Variants in CSMD1 observed in about 807,000 individuals in gnomAD.
The protein encoded by CSMD1 is CUB and sushi domain-containing protein 1.
A neutral mutation model predicts 417.5 loss-of-function variants in CSMD1; 213 were observed. That is an observed-to-expected ratio of 0.51 (90% CI 0.46 to 0.57). The LOEUF (loss-of-function observed/expected upper bound fraction) is 0.57. Ranked by LOEUF, CSMD1 falls within the 20% of genes least tolerant of loss-of-function variation. The probability of loss-of-function intolerance (pLI) is 0.00; values close to 1 mark genes in which losing one functional copy is unlikely to be tolerated. For synonymous variants in CSMD1, 2,862 were observed against 1,736.8 expected, an observed-to-expected ratio of 1.65 and a Z score of -16.11; for missense variants, 6,923 against 4,529.7, an observed-to-expected ratio of 1.53 and a Z score of -15.17.
At chr8:3,649,406 T>G (rs1304821941) in intron 7 of CSMD1, among the ~76,000 whole-genome samples, 1 of 152,220 alleles carries the variant, frequency 6.6e-6, no homozygotes, top group Non-Finnish European at 1.5e-5. Flanking sequence ...GTTTTCACAC[T>G]GCTATAAATA....
chr8:4,246,805 T>C (rs1456608340), intron 3 of CSMD1, among the ~76,000 whole-genome samples: 3 of 152,188 alleles, frequency 2.0e-5, no homozygotes, highest in Non-Finnish European at 2.9e-5. Flanking sequence ...AAATGTAGTA[T>C]AGGACATTTG....
Position 3,065,603 on chromosome 8 carries a change from T to C in CSMD1, c.7475-12956A>G, listed in dbSNP as rs545366676. 4.0e-4 allele frequency among the ~76,000 whole-genome samples: 61 copies of C among 151,400 alleles called. No individual in the cohort carries two copies. In the South Asian group the frequency reaches 9.3e-3, roughly 23 times the overall value. The stretch of plus-strand genomic sequence containing the variant: ...ATAGATACACAGATCGATAGGAAGA[T>C]AGAAAGATAGGAAGATGATAGGAAG... On this transcript the variant is annotated intron_variant, in intron 49 of 69. Transcript: ENST00000635120.
rs111890426 is a variant in CSMD1, at chr8:2,972,346, C to G, written c.8923+771G>C. Among the ~76,000 whole-genome samples the G allele has an allele frequency of 2.1e-3, 325 of 152,248 alleles. 1 individual carries two copies. The highest frequency in any genetic ancestry group is 7.5e-3 in the African/African-American group (312 of 41,538). On this transcript the variant is annotated intron_variant, in intron 57 of 69. Transcript: ENST00000635120. ...GTTGGAAAGTGTTTCATACATACAA[C>G]AATACATATTGAATTAATTTGTATA...
intron 10 of CSMD1, among the ~76,000 whole-genome samples, chr8:3,548,377 A>T (rs2116759286): frequency 6.6e-6 from 1 of 151,972 alleles, no homozygotes; most frequent in African/African-American, 2.4e-5. Flanking sequence ...GATTCGTGAG[A>T]TTTTGGTGCA....
intron 5 of CSMD1, among the ~76,000 whole-genome samples, chr8:3,788,458 A>G (rs1385748636): frequency 6.6e-6 from 1 of 152,188 alleles, no homozygotes; most frequent in African/African-American, 2.4e-5. Flanking sequence ...AGAGGCAGAA[A>G]TCAAAATAGA....
chr8:4,151,506 G>A (rs140567110), intron 3 of CSMD1, among the ~76,000 whole-genome samples: 5 of 152,216 alleles, frequency 3.3e-5, no homozygotes, highest in African/African-American at 1.2e-4. Context: ...TGAACCAAAT[G>A]GAAGATTTTG....
At chr8:3,160,825 AT>A (rs1341203051) in intron 38 of CSMD1, among the ~76,000 whole-genome samples, 1 of 152,240 alleles carries the variant, frequency 6.6e-6, no homozygotes, top group Non-Finnish European at 1.5e-5. Flanking sequence ...GATTTTGTAT[AT>A]AAAGCACTTG....
intron 3 of CSMD1, among the ~76,000 whole-genome samples, chr8:4,133,003 G>C (rs892101900): frequency 6.6e-6 from 1 of 151,996 alleles, no homozygotes; most frequent in Admixed American, 6.6e-5. Context: ...GCGCGATCTC[G>C]GCTCACTGCA....
At position 4,141,583 on chromosome 8, in the gene CSMD1, C is replaced by T. The variant is rs145783502; in HGVS notation, c.416-109484G>A. 5.9e-3 allele frequency among the ~76,000 whole-genome samples: 887 copies of T among 151,182 alleles called. 74 individuals carry two copies. Among genetic ancestry groups the T allele is most frequent in the African/African-American group, 0.021 (850 of 40,520 alleles). On this transcript the variant is annotated intron_variant, in intron 3 of 69. Coordinates refer to ENST00000635120, the MANE Select transcript of CSMD1 (RefSeq NM_033225.6). ...TTACAAACCTGTACAGAACGAGTAA[C>T]TGTACTAAGAAATGGAGTTGTAACG...
chr8:4,650,703 A>AT (rs1282640018), intron 1 of CSMD1, among the ~76,000 whole-genome samples: 5 of 151,392 alleles, frequency 3.3e-5, no homozygotes, highest in African/African-American at 1.2e-4. Context: ...GTGTGATTTT[A>AT]TTTTACTGAT....
chr8:3,471,303 C>G (rs558678884), intron 11 of CSMD1, among the ~76,000 whole-genome samples: 1 of 152,248 alleles, frequency 6.6e-6, no homozygotes, highest in Non-Finnish European at 1.5e-5. Context: ...CTCTTTTCCT[C>G]CTTTTAAATA....
At chr8:3,084,650 A>C (rs1814391977) in intron 49 of CSMD1, among the ~76,000 whole-genome samples, 1 of 152,118 alleles carries the variant, frequency 6.6e-6, no homozygotes, top group African/African-American at 2.4e-5. Flanking sequence ...TTTATATTTA[A>C]TATAGCTAAA....
intron 12 of CSMD1, among the ~76,000 whole-genome samples, chr8:3,466,130 C>T (rs1381738612): frequency 1.3e-5 from 2 of 151,848 alleles, no homozygotes; most frequent in South Asian, 4.2e-4. Context: ...GTTCTTACTC[C>T]ATGTGTTATG....
rs767579851 is a variant in CSMD1 at position 4,680,975 on chromosome 8, T to TGTGAGAGAGA, written c.86-43418_86-43417insTCTCTCTCAC. ...ATGTGTGTGTGTGTGTGTGTGTGTGTGAGAGAGAGAGAGAGAGAGAGAGAG... is the reference window on the plus strand; with the variant it reads ...ATGTGTGTGTGTGTGTGTGTGTGTGTGTGAGAGAGAGAGAGAGAGAGAGAGAGAGAGAGAG... On this transcript the variant is annotated intron_variant, in intron 1 of 69. Transcript: ENST00000635120. Among the ~76,000 whole-genome samples the TGTGAGAGAGA allele has an allele frequency of 8.0e-5, 11 of 136,772 alleles. No homozygotes were observed. The South Asian group carries it at 2.5e-3, about 31-fold the overall frequency. 89.7% of individuals were successfully genotyped at this position (136,772 alleles called of 152,430 possible). A position where few individuals can be genotyped will look rare whatever the true frequency, so the allele number is the denominator to read the frequency against.
At chr8:3,136,260 T>C (rs73657581) in intron 41 of CSMD1, among the ~76,000 whole-genome samples, 23,013 of 150,746 alleles carry the variant, frequency 0.15, 2,213 homozygotes, top group East Asian at 0.38. Context: ...TTTTCTTTTT[T>C]TTTTTTTGCC....
intron 5 of CSMD1, among the ~76,000 whole-genome samples, chr8:3,894,946 A>G (rs1244585599): frequency 6.6e-6 from 1 of 152,174 alleles, no homozygotes; most frequent in Non-Finnish European, 1.5e-5. Context: ...ACAATTTCCA[A>G]TATGATGAAT....
At chr8:3,464,631 T>C (rs1020835530) in intron 12 of CSMD1, among the ~76,000 whole-genome samples, 2 of 150,126 alleles carry the variant, frequency 1.3e-5, no homozygotes, top group African/African-American at 4.9e-5. Flanking sequence ...TATATATAGG[T>C]AGAATCTATA....
Position 3,087,154 on chromosome 8 carries a change from A to C in CSMD1, c.7417T>G (p.Cys2473Gly). The change falls in exon 49 of 70, where the codon TGT (cysteine) becomes GGT (glycine). Residue 2473 changes from cysteine (C) to glycine (G), a missense_variant. Physicochemically the swap from Cys to Gly is radical, Grantham distance 159. Transcript: ENST00000635120. ...YRMVGHSNAT[C>G]RRNPLGMYQW... ...TACATGCCAAGTGGGTTTCGTCTAC[A>C]GGTTGCATTGCTGTGGCCGACCATT... 1.2e-6 allele frequency: 2 copies of C among 1,613,926 alleles called. No individual in the cohort carries two copies. The highest frequency in any genetic ancestry group is 1.7e-6 in the Non-Finnish European group (2 of 1,179,898).
intron 1 of CSMD1, among the ~76,000 whole-genome samples, chr8:4,749,383 T>A (rs1206976737): frequency 6.6e-6 from 1 of 152,252 alleles, no homozygotes; most frequent in Admixed American, 6.5e-5. Flanking sequence ...TAAGCGGTCC[T>A]TGATAGTGTA....
Sources: gnomAD v4.1 joint callset for allele counts (sites outside exome capture counted in the v4.1 genomes callset) on GRCh38, gnomAD v4.1.1 for gene constraint, MANE v1.5 for transcripts, NCBI Gene and HGNC (gene_info 2026-07-23, HGNC 2026-07-21) for gene names.